Variants in ABCC9 observed in about 807,000 individuals in gnomAD.
The protein encoded by ABCC9 is ATP binding cassette subfamily C member 9.
ABCC9 carries 95 observed loss-of-function variants against 188.3 expected under a neutral mutation model. That is an observed-to-expected ratio of 0.50 (90% CI 0.43 to 0.60). The LOEUF (loss-of-function observed/expected upper bound fraction) is 0.60, where lower values mean the gene tolerates loss of function less well. ABCC9 is among the 20% of genes least tolerant of loss of function. The pLI is 0.00. For missense variants in ABCC9, 1,102 were observed against 1,876.3 expected, an observed-to-expected ratio of 0.59 and a Z score of 7.62; for synonymous variants, 659 against 652.7, an observed-to-expected ratio of 1.01 and a Z score of -0.15.
intron 30 of ABCC9, among the ~76,000 whole-genome samples, chr12:21,829,327 G>A (rs924307414): frequency 1.4e-5 from 2 of 146,392 alleles, no homozygotes; most frequent in Non-Finnish European, 3.0e-5. Flanking sequence ...TCAGCCTCCT[G>A]AGTAGCTGGG....
chr12:21,854,860 T>TA (rs1157721135), intron 22 of ABCC9, among the ~76,000 whole-genome samples: 1 of 152,122 alleles, frequency 6.6e-6, no homozygotes, highest in African/African-American at 2.4e-5. Flanking sequence ...AAAGAACCAA[T>TA]ATAAAGTGAT....
At chr12:21,903,695 A>G (rs1309922955) in intron 12 of ABCC9, among the ~76,000 whole-genome samples, 1 of 152,204 alleles carries the variant, frequency 6.6e-6, no homozygotes, top group Non-Finnish European at 1.5e-5. Context: ...TACAAAGAGA[A>G]TAAAATACCT....
chr12:21,892,682 T>C (rs142918734), intron 14 of ABCC9, among the ~76,000 whole-genome samples: 79 of 152,332 alleles, frequency 5.2e-4, no homozygotes, highest in Middle Eastern at 6.8e-3. Context: ...TTTGAAACTA[T>C]GTTACACTAT....
intron 12 of ABCC9, among the ~76,000 whole-genome samples, chr12:21,898,623 T>C (rs900215543): frequency 7.2e-5 from 11 of 152,202 alleles, no homozygotes; most frequent in African/African-American, 2.7e-4. Flanking sequence ...GGAAACAATA[T>C]ATAAACTTCC....
chr12:21,860,884 T>A, intron 21 of ABCC9, 87 bp downstream of exon 21: 1 of 1,123,170 alleles, frequency 8.9e-7, no homozygotes, highest in Non-Finnish European at 1.3e-6. Flanking sequence ...GCTCTCAAAT[T>A]TCATGATTCT....
chr12:21,818,116 T>C, intron 32 of ABCC9, 34 bp downstream of exon 32: 1 of 1,462,282 alleles, frequency 6.8e-7, no homozygotes, highest in Non-Finnish European at 9.6e-7. Flanking sequence ...GGTGTTTGGT[T>C]ATCTGTTCCT....
intron 12 of ABCC9, among the ~76,000 whole-genome samples, chr12:21,896,537 A>G (rs1947437196): frequency 6.6e-6 from 1 of 152,180 alleles, no homozygotes; most frequent in Admixed American, 6.5e-5. Context: ...ACACCTATTA[A>G]GCCCAGATGC....
At chr12:21,932,334 A>G (rs1034477605) in intron 4 of ABCC9, among the ~76,000 whole-genome samples, 1 of 152,118 alleles carries the variant, frequency 6.6e-6, no homozygotes, top group African/African-American at 2.4e-5. Flanking sequence ...AACCTAAGCA[A>G]TACCATTCAG....
At chr12:21,841,498 A>G (rs1299240438) in intron 29 of ABCC9, among the ~76,000 whole-genome samples, 2 of 151,334 alleles carry the variant, frequency 1.3e-5, no homozygotes, top group Non-Finnish European at 2.9e-5. Context: ...AGCTGGGATT[A>G]CAGGCGGGTG....
chr12:21,844,262 C>G (rs1309749905), intron 28 of ABCC9, among the ~76,000 whole-genome samples: 1 of 151,972 alleles, frequency 6.6e-6, no homozygotes, highest in Non-Finnish European at 1.5e-5. Flanking sequence ...GATGGTTCTC[C>G]AAGTATCTTC....
chr12:21,835,799 G>C (rs1440697321), intron 30 of ABCC9, among the ~76,000 whole-genome samples: 1 of 152,054 alleles, frequency 6.6e-6, no homozygotes, highest in Non-Finnish European at 1.5e-5. Context: ...TGTATCTTCT[G>C]CCCTTAGATA....
At chr12:21,817,479 C>G (rs908815858) in intron 32 of ABCC9, among the ~76,000 whole-genome samples, 172 bp from the exon 33 acceptor site, 1 of 152,124 alleles carries the variant, frequency 6.6e-6, no homozygotes, top group Non-Finnish European at 1.5e-5. Flanking sequence ...GATATATCAG[C>G]AAAGAAGGTG....
intron 12 of ABCC9, among the ~76,000 whole-genome samples, chr12:21,900,758 A>C (rs989742021): frequency 4.6e-5 from 7 of 152,168 alleles, no homozygotes; most frequent in Non-Finnish European, 7.3e-5. Flanking sequence ...TTAGAGAAAA[A>C]AGAGTAAAAA....
intron 35 of ABCC9, among the ~76,000 whole-genome samples, chr12:21,812,762 T>C (rs1033100281): frequency 5.3e-5 from 8 of 152,066 alleles, no homozygotes; most frequent in African/African-American, 1.9e-4. Flanking sequence ...GATGGGTTGA[T>C]GGGTGCAGCA....
At chr12:21,852,049 A>G (rs781713437) in intron 24 of ABCC9, 48 bp downstream of exon 24, 5 of 1,609,330 alleles carry the variant, frequency 3.1e-6, no homozygotes, top group Non-Finnish European at 4.2e-6. Flanking sequence ...GTAAATTTCT[A>G]ACTCTTCTGA....
chr12:21,845,084 T>C (rs564071966), intron 26 of ABCC9, among the ~76,000 whole-genome samples, 169 bp from the exon 27 acceptor site: 26 of 152,260 alleles, frequency 1.7e-4, no homozygotes, highest in African/African-American at 5.5e-4. Context: ...ATCCCCACCA[T>C]AATTCCACAG....
At chr12:21,910,364 C>G (rs752163271) in intron 9 of ABCC9, 52 bp from the exon 10 acceptor site, 21 of 1,476,746 alleles carry the variant, frequency 1.4e-5, no homozygotes, top group Non-Finnish European at 1.9e-5. Context: ...AAAATTGACA[C>G]TATGATTATT....
rs746967404 is a variant in ABCC9, at chr12:21,913,042, G to A, written c.841C>T (p.Arg281Trp). The A allele has an allele frequency of 3.8e-6, 6 of 1,596,974 alleles. No individual in the cohort carries two copies. Among genetic ancestry groups the A allele is most frequent in the African/African-American group, 2.7e-5 (2 of 73,118 alleles). The change falls in exon 8 of 40, where the codon CGG becomes TGG. Residue 281 changes from arginine (R) to tryptophan (W), a missense_variant. By Grantham distance (101) the Arg-to-Trp change is moderately radical. Transcript: ENST00000261200. ...ATTGCAAGCCATATAGATGGAGTCC[G>A]ATTTGGATGATCTGCAACTTTTTTC... ...QKKKVADHPNRTPSIWLAMYR... is the reference protein window; with the variant it reads ...QKKKVADHPNWTPSIWLAMYR...
At chr12:21,901,531 C>T (rs190924102) in intron 12 of ABCC9, among the ~76,000 whole-genome samples, 89 of 152,222 alleles carry the variant, frequency 5.8e-4, no homozygotes, top group African/African-American at 2.1e-3. Context: ...AGAGTCATGA[C>T]CCATCAGTGT....
Sources: allele counts gnomAD v4.1 joint callset (sites outside exome capture counted in the v4.1 genomes callset), GRCh38; gene constraint gnomAD v4.1.1; transcripts MANE v1.5; gene names NCBI Gene and HGNC (gene_info 2026-07-23, HGNC 2026-07-21).